The following RAB31 variants were observed in gnomAD, a reference collection of about 807,000 sequenced individuals.
RAB31 encodes RAB31, member RAS oncogene family, also known as ras-related protein Rab-31.
In RAB31, 21 loss-of-function variants were observed where a neutral mutation model predicts 25.6. The ratio of observed to expected loss-of-function variants is 0.82; its 90% CI spans 0.58 to 1.18. The LOEUF (loss-of-function observed/expected upper bound fraction) is 1.18. RAB31 is among the 50% of genes most tolerant of loss of function. The pLI, the probability that RAB31 is intolerant of heterozygous loss-of-function variation, is 0.00. For missense variants in RAB31, 196 were observed against 250.1 expected, an observed-to-expected ratio of 0.78 and a Z score of 1.46; for synonymous variants, 87 against 84.0, an observed-to-expected ratio of 1.04 and a Z score of -0.20.
At chr18:9,759,950 GGT>G (rs2068279504) in intron 1 of RAB31, among the ~76,000 whole-genome samples, 1 of 152,048 alleles carries the variant, frequency 6.6e-6, no homozygotes, top group Non-Finnish European at 1.5e-5. Context: ...AGACTAAGGT[GGT>G]CCCCGTGAGC....
At chr18:9,713,591 C>T (rs1001442993) in intron 1 of RAB31, among the ~76,000 whole-genome samples, 2 of 152,166 alleles carry the variant, frequency 1.3e-5, no homozygotes, top group Non-Finnish European at 2.9e-5. Flanking sequence ...TTCATCCTCC[C>T]TCAGCTTTCA....
intron 1 of RAB31, among the ~76,000 whole-genome samples, chr18:9,749,270 AT>A (rs1469789554): frequency 6.6e-6 from 1 of 152,208 alleles, no homozygotes; most frequent in Non-Finnish European, 1.5e-5. Context: ...CTGTGGACAC[AT>A]TGTCGTCATT....
chr18:9,776,677 G>A (rs1003443146), intron 2 of RAB31, among the ~76,000 whole-genome samples: 1 of 152,164 alleles, frequency 6.6e-6, no homozygotes, highest in African/African-American at 2.4e-5. Flanking sequence ...CACAGACAGA[G>A]GCAATAGCAA....
chr18:9,792,444 A>G (rs933254962), intron 3 of RAB31, among the ~76,000 whole-genome samples: 28 of 152,096 alleles, frequency 1.8e-4, no homozygotes, highest in African/African-American at 6.8e-4. Flanking sequence ...CAGGTCCCCA[A>G]ATGTGTTGTG....
chr18:9,724,270 C>CAAA (rs762384582), intron 1 of RAB31, among the ~76,000 whole-genome samples: 15 of 35,702 alleles, frequency 4.2e-4, no homozygotes, highest in African/African-American at 8.6e-4. Flanking sequence ...GACTCCGTCT[C>CAAA]AAAAAAAAAA....
chr18:9,742,180 C>T (rs757615253), intron 1 of RAB31, among the ~76,000 whole-genome samples: 1 of 152,148 alleles, frequency 6.6e-6, no homozygotes, highest in African/African-American at 2.4e-5. Flanking sequence ...GGCGGTCTTT[C>T]AAAGCAGGCT....
intron 2 of RAB31, among the ~76,000 whole-genome samples, chr18:9,776,885 A>G (rs150092780): frequency 6.6e-6 from 1 of 152,108 alleles, no homozygotes; most frequent in Non-Finnish European, 1.5e-5. Context: ...TCCCTAATCC[A>G]AAAACCTGAA....
At chr18:9,783,461 C>T (rs1023610366) in intron 2 of RAB31, among the ~76,000 whole-genome samples, 12 of 151,976 alleles carry the variant, frequency 7.9e-5, no homozygotes, top group African/African-American at 2.9e-4. Flanking sequence ...GTTTTCTAAC[C>T]CTGAGGAGAA....
chr18:9,859,034 C>T (rs916697935), intron 6 of RAB31, among the ~76,000 whole-genome samples, 194 bp from the exon 7 acceptor site: 1 of 151,930 alleles, frequency 6.6e-6, no homozygotes, highest in African/African-American at 2.4e-5. Context: ...GGGCTTCATG[C>T]AGCAGAACTA....
chr18:9,712,461 A>G (rs893996609), intron 1 of RAB31, among the ~76,000 whole-genome samples: 3 of 152,258 alleles, frequency 2.0e-5, no homozygotes, highest in Non-Finnish European at 4.4e-5. Context: ...GGAAAGTGTC[A>G]TTCGTCCCAC....
intron 3 of RAB31, among the ~76,000 whole-genome samples, chr18:9,803,921 C>T (rs1306369871): frequency 6.6e-6 from 1 of 152,180 alleles, no homozygotes; most frequent in African/African-American, 2.4e-5. Flanking sequence ...AACAGCCCTC[C>T]TGGGTGTCAG....
At chr18:9,730,274 G>A (rs1261019198) in intron 1 of RAB31, among the ~76,000 whole-genome samples, 1 of 150,210 alleles carries the variant, frequency 6.7e-6, no homozygotes, top group African/African-American at 2.5e-5. Flanking sequence ...AAAGTCCTTC[G>A]AGCCTCACCT....
intron 5 of RAB31, among the ~76,000 whole-genome samples, chr18:9,818,117 A>C (rs561830611): frequency 6.6e-5 from 10 of 152,362 alleles, no homozygotes; most frequent in Middle Eastern, 6.8e-3. Flanking sequence ...GAATCAAGCA[A>C]CAAGAAGCTG....
At chr18:9,731,299 G>A (rs190250073) in intron 1 of RAB31, among the ~76,000 whole-genome samples, 35 of 152,294 alleles carry the variant, frequency 2.3e-4, no homozygotes, top group Non-Finnish European at 4.0e-4. Flanking sequence ...TCTTCCCTAA[G>A]CTTCCCTTGG....
At chr18:9,750,895 T>G (rs1182824589) in intron 1 of RAB31, among the ~76,000 whole-genome samples, 1 of 152,114 alleles carries the variant, frequency 6.6e-6, no homozygotes, top group East Asian at 1.9e-4. Context: ...GTGGGGGCAA[T>G]GTACTGTTGC....
At chr18:9,774,403 A>G (rs2068361439) in intron 1 of RAB31, among the ~76,000 whole-genome samples, 1 of 152,076 alleles carries the variant, frequency 6.6e-6, no homozygotes, top group African/African-American at 2.4e-5. Context: ...TGGCCTTTCA[A>G]CTGATCTGTT....
intron 6 of RAB31, among the ~76,000 whole-genome samples, chr18:9,856,944 T>A (rs765716105): frequency 2.0e-5 from 3 of 152,100 alleles, no homozygotes; most frequent in African/African-American, 4.8e-5. Context: ...TCACTTAAGG[T>A]TGACCAAGTA....
At chr18:9,828,441 T>A (rs2068661180) in intron 5 of RAB31, among the ~76,000 whole-genome samples, 2 of 152,120 alleles carry the variant, frequency 1.3e-5, no homozygotes, top group Non-Finnish European at 2.9e-5. Context: ...TCTAGTGTCT[T>A]GAGTAAGTGT....
At chr18:9,792,118 T>C (rs2068463535) in intron 2 of RAB31, 36 bp from the exon 3 acceptor site, 1 of 1,582,148 alleles carries the variant, frequency 6.3e-7, no homozygotes, top group Non-Finnish European at 8.6e-7. Context: ...GAAGAAACAA[T>C]GCAGTAATGT....
Sources: allele counts gnomAD v4.1 joint callset (sites outside exome capture counted in the v4.1 genomes callset), GRCh38; gene constraint gnomAD v4.1.1; transcripts MANE v1.5; gene names NCBI Gene and HGNC (gene_info 2026-07-23, HGNC 2026-07-21).